LHFPL3: variants seen among roughly 807,000 people sequenced by gnomAD.
LHFPL3 encodes LHFPL tetraspan subfamily member 3.
Under a neutral mutation model 19.3 loss-of-function variants are expected in LHFPL3, and 5 were observed. The ratio of observed to expected loss-of-function variants is 0.26; its 90% CI spans 0.14 to 0.54. The LOEUF is 0.54. Ranked by LOEUF, LHFPL3 falls within the 20% of genes least tolerant of loss-of-function variation. The pLI, the probability that LHFPL3 is intolerant of heterozygous loss-of-function variation, is 0.94. For synonymous variants in LHFPL3, 133 were observed against 126.2 expected (o/e 1.05, Z -0.36); for missense variants, 249 against 307.4 (o/e 0.81, Z 1.42).
At chr7:104,716,201 G>T (rs1011795414) in intron 1 of LHFPL3, among the ~76,000 whole-genome samples, 16 of 152,048 alleles carry the variant, frequency 1.1e-4, no homozygotes, top group Admixed American at 1.3e-4. Flanking sequence ...ACAAAAATTA[G>T]CCAGGTGTGA....
intron 2 of LHFPL3, chr7:104,752,832 G>A (rs1405970382): frequency 2.1e-5 from 8 of 387,060 alleles, no homozygotes; most frequent in African/African-American, 4.2e-5. Context: ...AGCAGTTTAG[G>A]TGTACAGCAA....
intron 1 of LHFPL3, among the ~76,000 whole-genome samples, chr7:104,369,480 G>A (rs1053750348): frequency 3.3e-5 from 5 of 152,084 alleles, no homozygotes; most frequent in African/African-American, 1.2e-4. Flanking sequence ...CCAGTTGATG[G>A]CTGTTTGAAT....
rs530920646 is a variant in LHFPL3 at position 104,719,611 on chromosome 7, C to G, written c.446-17064C>G. On this transcript the variant is annotated intron_variant, in intron 1 of 2. Transcript: ENST00000424859. ...AGTGTAAATAAAAGAAATATTTATACATATAAAAACCAACAGTTTTTAAGC... is the reference window on the plus strand; with the variant it reads ...AGTGTAAATAAAAGAAATATTTATAGATATAAAAACCAACAGTTTTTAAGC... Among the ~76,000 whole-genome samples, 11 of 152,198 alleles carry G rather than the reference C, an allele frequency of 7.2e-5. No individual in the cohort carries two copies. The South Asian group carries it at 1.9e-3, about 26-fold the overall frequency.
chr7:104,578,125 C>CA (rs879739677), intron 1 of LHFPL3, among the ~76,000 whole-genome samples: 4 of 151,794 alleles, frequency 2.6e-5, no homozygotes, highest in East Asian at 3.9e-4. Flanking sequence ...TCCCATGTGT[C>CA]AAAAAAAAGT....
At chr7:104,584,975 C>G (rs1790536791) in intron 1 of LHFPL3, among the ~76,000 whole-genome samples, 1 of 152,158 alleles carries the variant, frequency 6.6e-6, no homozygotes. Context: ...TATGTTTATA[C>G]TGAAGCCTCA....
At chr7:104,359,668 G>A (rs999098116) in intron 1 of LHFPL3, among the ~76,000 whole-genome samples, 1 of 152,204 alleles carries the variant, frequency 6.6e-6, no homozygotes, top group Non-Finnish European at 1.5e-5. Context: ...CCACAGTCTA[G>A]CGGGGAGGAA....
intron 1 of LHFPL3, among the ~76,000 whole-genome samples, chr7:104,640,116 T>G (rs373010256): frequency 1.3e-5 from 2 of 152,178 alleles, no homozygotes; most frequent in East Asian, 3.8e-4. Context: ...TCTTTAAAAT[T>G]TTATTTTACT....
intron 2 of LHFPL3, among the ~76,000 whole-genome samples, chr7:104,748,232 C>G (rs1215641829): frequency 6.6e-6 from 1 of 151,862 alleles, no homozygotes; most frequent in Non-Finnish European, 1.5e-5. Context: ...CCGCAGGGAC[C>G]TCTGCCTAGG....
chr7:104,749,605 G>A (rs1794122388), intron 2 of LHFPL3, among the ~76,000 whole-genome samples: 1 of 152,296 alleles, frequency 6.6e-6, no homozygotes, highest in Non-Finnish European at 1.5e-5. Context: ...ACCCGGGTTG[G>A]AGAGGCCCCA....
chr7:104,505,475 T>C (rs754124099), intron 1 of LHFPL3, among the ~76,000 whole-genome samples: 7 of 152,134 alleles, frequency 4.6e-5, no homozygotes, highest in Non-Finnish European at 1.5e-5. Context: ...CTGGTAAAGA[T>C]GAAGACTGGT....
At chr7:104,487,449 C>T (rs913866127) in intron 1 of LHFPL3, among the ~76,000 whole-genome samples, 9 of 152,310 alleles carry the variant, frequency 5.9e-5, no homozygotes, top group East Asian at 3.9e-4. Context: ...ATCATCCCAT[C>T]GTGTGGTGCA....
chr7:104,374,238 GTGTA>G (rs1790666720), intron 1 of LHFPL3, among the ~76,000 whole-genome samples: 1 of 149,226 alleles, frequency 6.7e-6, no homozygotes, highest in Non-Finnish European at 1.5e-5. Context: ...GTGTGTGTGT[GTGTA>G]TACATATATA....
intron 1 of LHFPL3, among the ~76,000 whole-genome samples, chr7:104,359,742 A>G (rs1466533764): frequency 6.6e-6 from 1 of 152,258 alleles, no homozygotes; most frequent in Non-Finnish European, 1.5e-5. Flanking sequence ...TAAGGGGCCC[A>G]TAACACCTGG....
intron 1 of LHFPL3, among the ~76,000 whole-genome samples, chr7:104,730,801 T>C (rs530010256): frequency 3.3e-4 from 51 of 152,368 alleles, no homozygotes; most frequent in African/African-American, 1.1e-3. Context: ...TTTGGTGTTT[T>C]AGACATGAAG....
intron 1 of LHFPL3, among the ~76,000 whole-genome samples, chr7:104,480,027 A>G (rs182067768): frequency 6.6e-6 from 1 of 152,356 alleles, no homozygotes; most frequent in East Asian, 1.9e-4. Context: ...TAAATGGTAT[A>G]TATTCATCAG....
chr7:104,826,682 G>T, intron 2 of LHFPL3: 1 of 153,566 alleles, frequency 6.5e-6, no homozygotes, highest in South Asian at 2.0e-4. Flanking sequence ...GACCCATCAT[G>T]ACCCTGAAGC....
At chr7:104,573,860 A>G (rs1356759225) in intron 1 of LHFPL3, among the ~76,000 whole-genome samples, 3 of 152,210 alleles carry the variant, frequency 2.0e-5, no homozygotes, top group East Asian at 1.9e-4. Context: ...TGAATTCCCC[A>G]TCTAAGCTTT....
chr7:104,657,332 G>A (rs73181831), intron 1 of LHFPL3, among the ~76,000 whole-genome samples: 6,681 of 152,316 alleles, frequency 0.044, 193 homozygotes, highest in East Asian at 0.13. Context: ...CTGCTTATCA[G>A]TAGTATCAGC....
chr7:104,650,099 AT>A (rs766499239), intron 1 of LHFPL3, among the ~76,000 whole-genome samples: 27 of 152,202 alleles, frequency 1.8e-4, no homozygotes, highest in Non-Finnish European at 2.9e-4. Context: ...AGGCTTTTAC[AT>A]TGAGGGAAAG....
Sources: allele counts gnomAD v4.1 joint callset (sites outside exome capture counted in the v4.1 genomes callset), GRCh38; gene constraint gnomAD v4.1.1; transcripts MANE v1.5; gene names NCBI Gene and HGNC (gene_info 2026-07-23, HGNC 2026-07-21).